The following PIBF1 variants were observed in gnomAD, a reference collection of about 807,000 sequenced individuals.
PIBF1 encodes the protein progesterone-induced-blocking factor 1.
A neutral mutation model predicts 112.5 loss-of-function variants in PIBF1; 90 were observed. That is an observed-to-expected ratio of 0.80 (90% CI 0.67 to 0.95). The LOEUF is 0.95. PIBF1 is among the 40% of genes least tolerant of loss of function. The probability of loss-of-function intolerance (pLI) is 0.00; values close to 1 mark genes in which losing one functional copy is unlikely to be tolerated. For missense variants in PIBF1, 915 were observed against 852.3 expected (o/e 1.07, Z -0.92); for synonymous variants, 301 against 288.6 (o/e 1.04, Z -0.44).
rs187196041 is a variant in PIBF1 at position 72,980,051 on chromosome 13, G to A, written c.2049+6376G>A. The stretch of plus-strand genomic sequence containing the variant: ...GTTTTTGGCTTGTGTCTTTAGTGGT[G>A]CTACAAAGAACCTAGAAGAAAGAGG... On this transcript the variant is annotated intron_variant, in intron 16 of 17. Coordinates refer to ENST00000326291, the MANE Select transcript of PIBF1 (RefSeq NM_006346.4). 1.0e-3 allele frequency among the ~76,000 whole-genome samples: 154 copies of A among 152,252 alleles called. No homozygotes were observed. The Middle Eastern group carries it at 0.024, about 24-fold the overall frequency.
intron 14 of PIBF1, among the ~76,000 whole-genome samples, chr13:72,933,885 A>G (rs1421094149): frequency 1.3e-5 from 2 of 152,212 alleles, no homozygotes. Flanking sequence ...AAAATATTTC[A>G]TGAGAAAAGG....
intron 11 of PIBF1, among the ~76,000 whole-genome samples, chr13:72,904,510 G>A (rs1374271464): frequency 2.3e-5 from 3 of 130,420 alleles, no homozygotes; most frequent in East Asian, 2.4e-4. Context: ...GCACCGTCTC[G>A]GCTCACTACA....
intron 2 of PIBF1, among the ~76,000 whole-genome samples, chr13:72,789,403 T>C (rs1277929267): frequency 1.3e-5 from 2 of 152,086 alleles, no homozygotes; most frequent in Non-Finnish European, 2.9e-5. Flanking sequence ...TCCAGGCTAG[T>C]CTCAAACTCC....
chr13:72,932,400 A>G (rs2041740471), intron 14 of PIBF1, among the ~76,000 whole-genome samples: 1 of 152,200 alleles, frequency 6.6e-6, no homozygotes, highest in Admixed American at 6.6e-5. Context: ...CTATAACATT[A>G]GGAGGATCTT....
intron 10 of PIBF1, among the ~76,000 whole-genome samples, chr13:72,878,130 T>C (rs1353914255): frequency 6.6e-6 from 1 of 152,072 alleles, no homozygotes; most frequent in African/African-American, 2.4e-5. Flanking sequence ...ATTTTTTTTT[T>C]CAAAGAACCA....
intron 14 of PIBF1, among the ~76,000 whole-genome samples, chr13:72,941,684 A>G (rs2042011961): frequency 6.6e-6 from 1 of 152,224 alleles, no homozygotes; most frequent in Non-Finnish European, 1.5e-5. Context: ...TTTTGTACCT[A>G]GAAGGCATTG....
At chr13:72,998,112 A>C (rs907564932) in intron 16 of PIBF1, among the ~76,000 whole-genome samples, 6 of 152,228 alleles carry the variant, frequency 3.9e-5, no homozygotes, top group Non-Finnish European at 5.9e-5. Flanking sequence ...ACTAGTAGCC[A>C]AGATTGGATT....
At chr13:72,812,959 A>G (rs1465742233) in intron 5 of PIBF1, among the ~76,000 whole-genome samples, 2 of 152,140 alleles carry the variant, frequency 1.3e-5, no homozygotes, top group African/African-American at 2.4e-5. Flanking sequence ...CTCAAAAAAA[A>G]GAAAGAAAAA....
intron 2 of PIBF1, among the ~76,000 whole-genome samples, chr13:72,790,171 C>A (rs1246934975): frequency 1.3e-5 from 2 of 151,986 alleles, no homozygotes; most frequent in Non-Finnish European, 2.9e-5. Flanking sequence ...CAAAGTTTAG[C>A]AGTTAAGAGT....
intron 14 of PIBF1, among the ~76,000 whole-genome samples, chr13:72,954,990 A>T (rs1204719329): frequency 6.6e-6 from 1 of 152,188 alleles, no homozygotes; most frequent in Non-Finnish European, 1.5e-5. Context: ...ATCCTCTAGG[A>T]TTGGAGGAAA....
intron 10 of PIBF1, among the ~76,000 whole-genome samples, chr13:72,871,633 T>C (rs547989888): frequency 6.6e-6 from 1 of 152,302 alleles, no homozygotes; most frequent in African/African-American, 2.4e-5. Flanking sequence ...AAGATTGCAG[T>C]CATGATTAGA....
chr13:72,832,651 C>T (rs1334459991), intron 8 of PIBF1, among the ~76,000 whole-genome samples: 2 of 152,162 alleles, frequency 1.3e-5, no homozygotes, highest in Non-Finnish European at 2.9e-5. Context: ...GTCTGATGGG[C>T]GTCCTTCCCT....
intron 12 of PIBF1, among the ~76,000 whole-genome samples, chr13:72,916,825 T>G (rs2041115818): frequency 6.6e-6 from 1 of 152,134 alleles, no homozygotes; most frequent in Admixed American, 6.6e-5. Flanking sequence ...TTATACTTTT[T>G]AACAAGAAAA....
At chr13:72,888,695 A>G (rs1052877783) in intron 10 of PIBF1, among the ~76,000 whole-genome samples, 2 of 152,152 alleles carry the variant, frequency 1.3e-5, no homozygotes, top group Admixed American at 6.5e-5. Context: ...AGGTATAGAC[A>G]TGGAAAAAAC....
At chr13:72,989,127 G>A (rs958739178) in intron 16 of PIBF1, among the ~76,000 whole-genome samples, 1 of 152,188 alleles carries the variant, frequency 6.6e-6, no homozygotes, top group African/African-American at 2.4e-5. Flanking sequence ...ATAAAACAGT[G>A]TTGACAAAAC....
chr13:72,823,462 G>C (rs1031844767), intron 6 of PIBF1, among the ~76,000 whole-genome samples: 1 of 152,056 alleles, frequency 6.6e-6, no homozygotes. Flanking sequence ...AGTAAAACAA[G>C]AAAGGACTCA....
At chr13:72,973,918 T>C (rs530587162) in intron 16 of PIBF1, 130 of 463,166 alleles carry the variant, frequency 2.8e-4, no homozygotes, top group Non-Finnish European at 3.9e-4. Flanking sequence ...TATTATTTAA[T>C]AATAATCTGT....
intron 17 of PIBF1, among the ~76,000 whole-genome samples, chr13:73,012,092 C>G (rs1358273870): frequency 1.3e-5 from 2 of 152,130 alleles, no homozygotes; most frequent in African/African-American, 2.4e-5. Context: ...TGGCTCACAC[C>G]TGTAATCCCA....
At chr13:73,010,827 T>TTTTTTTTTTTTTTTTTTTTTTTTTTTTTG in intron 17 of PIBF1, among the ~76,000 whole-genome samples, 1 of 123,146 alleles carries the variant, frequency 8.1e-6, no homozygotes, top group Non-Finnish European at 1.7e-5. Flanking sequence ...TTTTTTTTTT[T>TTTTTTTTTTTTTTTTTTTTTTTTTTTTTG]TTTTTTTTTT....
Sources: allele counts gnomAD v4.1 joint callset (sites outside exome capture counted in the v4.1 genomes callset), GRCh38; gene constraint gnomAD v4.1.1; transcripts MANE v1.5; gene names NCBI Gene and HGNC (gene_info 2026-07-23, HGNC 2026-07-21).